PNPLA7: variants seen among roughly 807,000 people sequenced by gnomAD.
The protein encoded by PNPLA7 is patatin like domain 7, lysophospholipase.
Under a neutral mutation model 161.7 loss-of-function variants are expected in PNPLA7, and 153 were observed. The ratio of observed to expected loss-of-function variants is 0.95; its 90% CI spans 0.83 to 1.08. The LOEUF (loss-of-function observed/expected upper bound fraction) is 1.08. PNPLA7 is among the 50% of genes least tolerant of loss of function. The probability of loss-of-function intolerance (pLI) is 0.00; values close to 1 mark genes in which losing one functional copy is unlikely to be tolerated. For missense variants in PNPLA7, 1,739 were observed against 1,856.6 expected (o/e 0.94, Z 1.16); for synonymous variants, 809 against 782.1 (o/e 1.03, Z -0.57).
At chr9:137,536,373 G>A (rs1835889640) in intron 8 of PNPLA7, among the ~76,000 whole-genome samples, 1 of 152,000 alleles carries the variant, frequency 6.6e-6, no homozygotes, top group African/African-American at 2.4e-5. Context: ...GATGGCGTCT[G>A]GACAGCAGGC....
At chr9:137,489,127 G>A (rs1832646452) in intron 20 of PNPLA7, among the ~76,000 whole-genome samples, 3 of 152,022 alleles carry the variant, frequency 2.0e-5, no homozygotes, top group African/African-American at 7.3e-5. Flanking sequence ...GAAAGCAGAG[G>A]AGGCCCCACC....
intron 9 of PNPLA7, among the ~76,000 whole-genome samples, chr9:137,522,383 G>A (rs1349610058): frequency 1.3e-5 from 2 of 150,000 alleles, no homozygotes; most frequent in Admixed American, 6.7e-5. Context: ...CAAGAGACGG[G>A]GTTTCACCGT....
chr9:137,541,202 G>A lies in PNPLA7; in HGVS notation c.667-480C>T, dbSNP rs894908087. 1.3e-5 allele frequency among the ~76,000 whole-genome samples: 2 copies of A among 152,110 alleles called. No homozygotes were observed. The highest frequency in any genetic ancestry group is 4.8e-5 in the African/African-American group (2 of 41,430). On this transcript the variant is annotated intron_variant, in intron 7 of 34. Coordinates refer to ENST00000406427, the MANE Select transcript of PNPLA7 (RefSeq NM_001098537.3). This position sits in a 1 kb window ranked among gnomAD's most constrained non-coding sequence, Gnocchi z 4.4. ...ATTCTTTATGAAGTTGCCCAAATCTGGCCCCAGTCCCCTCCATGAGCCCCT... is the reference window on the plus strand; with the variant it reads ...ATTCTTTATGAAGTTGCCCAAATCTAGCCCCAGTCCCCTCCATGAGCCCCT...
chr9:137,486,685 A>G lies in PNPLA7; in HGVS notation c.2198-1949T>C, dbSNP rs1052952732. Among the ~76,000 whole-genome samples, 8 of 151,902 alleles carry G rather than the reference A, an allele frequency of 5.3e-5. No individual in the cohort carries two copies. Among genetic ancestry groups the G allele is most frequent in the Non-Finnish European group, 7.4e-5 (5 of 67,962 alleles). On this transcript the variant is annotated intron_variant, in intron 20 of 34. Coordinates refer to ENST00000406427, the MANE Select transcript of PNPLA7 (RefSeq NM_001098537.3). The surrounding 1 kb of genome is among the most constrained non-coding windows in gnomAD (Gnocchi z 6.0). Reference sequence around the variant, plus strand: ...GCCCTCAGTCCAACTCAGCACCGGGAGCCCTGGGCCTCCACCGCCCAGCCT... The same window carrying G: ...GCCCTCAGTCCAACTCAGCACCGGGGGCCCTGGGCCTCCACCGCCCAGCCT...
At chr9:137,463,567 G>A (rs992993946) in intron 28 of PNPLA7, 36 bp from the exon 29 acceptor site, 1 of 1,488,270 alleles carries the variant, frequency 6.7e-7, no homozygotes. Context: ...GTTACCCGGA[G>A]GAGGCTCCTC....
At chr9:137,528,123 GTCTTC>G (rs1385094062) in intron 8 of PNPLA7, among the ~76,000 whole-genome samples, 2 of 152,290 alleles carry the variant, frequency 1.3e-5, no homozygotes, top group African/African-American at 2.4e-5. Flanking sequence ...TGTAGTTTGT[GTCTTC>G]TCTTCTTTTC....
At chr9:137,464,516 G>T in intron 26 of PNPLA7, 60 bp from the exon 27 acceptor site, 1 of 1,456,368 alleles carries the variant, frequency 6.9e-7, no homozygotes, top group Non-Finnish European at 9.6e-7. Context: ...TGCCACAGCA[G>T]ACACGTGGCG....
chr9:137,544,445 G>A lies in PNPLA7; in HGVS notation c.274-630C>T, dbSNP rs572310536. 1.2e-3 allele frequency among the ~76,000 whole-genome samples: 179 copies of A among 152,228 alleles called. 1 individual carries two copies. Among genetic ancestry groups the A allele is most frequent in the African/African-American group, 4.0e-3 (167 of 41,540 alleles). ...TCTGTGGGGCCACTGGATGATGGCC[G>A]ACACTCAACAGACCGCCTCCACTCT... On this transcript the variant is annotated intron_variant, in intron 4 of 34. Transcript: ENST00000406427.
In PNPLA7 at chr9:137,539,524, C is replaced by A. The variant is rs534653181; in HGVS notation, c.747+1118G>T. Among the ~76,000 whole-genome samples the A allele has an allele frequency of 3.8e-4, 58 of 152,076 alleles. No homozygotes were observed. The South Asian group carries it at 0.011, about 30-fold the overall frequency. On this transcript the variant is annotated intron_variant, in intron 8 of 34. Transcript: ENST00000406427. ...TCATCTCTATCTCTACAAAAAAATA[C>A]AAAATTAGCCAGGTATGGTGGTGCA... is the stretch of plus-strand genomic sequence containing the variant.
In PNPLA7 at chr9:137,499,455, C is replaced by T. The variant is rs954514272; in HGVS notation, c.1758-1210G>A. Among the ~76,000 whole-genome samples, 2 of 152,234 alleles carry T rather than the reference C, an allele frequency of 1.3e-5. No individual in the cohort carries two copies. Among genetic ancestry groups the T allele is most frequent in the African/African-American group, 2.4e-5 (1 of 41,456 alleles). ...CCTGTCCCTGCTCTTCGCCATCCGT[C>T]CTGATCTCCCTGGCACTGATGTGGA... On this transcript the variant is annotated intron_variant, in intron 16 of 34. Coordinates refer to ENST00000406427, the MANE Select transcript of PNPLA7 (RefSeq NM_001098537.3). This position sits in a 1 kb window ranked among gnomAD's most constrained non-coding sequence, Gnocchi z 5.5.
At chr9:137,530,536 G>A (rs1047170024) in intron 8 of PNPLA7, among the ~76,000 whole-genome samples, 3 of 152,220 alleles carry the variant, frequency 2.0e-5, no homozygotes, top group Non-Finnish European at 2.9e-5. Flanking sequence ...CAGAACCCTC[G>A]TGGGTGGCGG....
At position 137,500,582 on chromosome 9, in the gene PNPLA7, G is replaced by A; in HGVS notation, c.1757+109C>T. 1 of 1,042,440 alleles carries A rather than the reference G, an allele frequency of 9.6e-7. No individual in the cohort carries two copies. The highest frequency in any genetic ancestry group is 1.4e-6 in the Non-Finnish European group (1 of 715,516). 64.6% of individuals were successfully genotyped at this position (1,042,440 alleles called of 1,614,324 possible). A position where few individuals can be genotyped will look rare whatever the true frequency, so the allele number is the denominator to read the frequency against. ...GCCGGGGACAAAGAGGGGAGCCCGAGAAGCAGGGAAGAGGGTGAGAGCACC... is the reference window on the plus strand; with the variant it reads ...GCCGGGGACAAAGAGGGGAGCCCGAAAAGCAGGGAAGAGGGTGAGAGCACC... On this transcript the variant is annotated intron_variant, in intron 16 of 34. Transcript: ENST00000406427. This position sits in a 1 kb window ranked among gnomAD's most constrained non-coding sequence, Gnocchi z 5.5.
chr9:137,521,172 T>G (rs1392459876), intron 10 of PNPLA7, among the ~76,000 whole-genome samples: 1 of 152,134 alleles, frequency 6.6e-6, no homozygotes, highest in Non-Finnish European at 1.5e-5. Flanking sequence ...GACAGGGCTG[T>G]CAGCTCAGTG....
At chr9:137,498,418 G>A (rs1271725815) in intron 16 of PNPLA7, among the ~76,000 whole-genome samples, 173 bp from the exon 17 acceptor site, 1 of 152,258 alleles carries the variant, frequency 6.6e-6, no homozygotes, top group East Asian at 1.9e-4. Context: ...CTGCCCCACG[G>A]CACAGCACTG....
chr9:137,506,715 C>G (rs1463532388), intron 12 of PNPLA7, among the ~76,000 whole-genome samples: 1 of 152,220 alleles, frequency 6.6e-6, no homozygotes, highest in Non-Finnish European at 1.5e-5. Context: ...CACCCTTTTA[C>G]AGCCTGCCCT....
intron 12 of PNPLA7, among the ~76,000 whole-genome samples, chr9:137,512,316 A>G (rs1393911918): frequency 2.6e-5 from 4 of 152,262 alleles, no homozygotes; most frequent in South Asian, 2.1e-4. Flanking sequence ...GCTTCTCCAC[A>G]TGACGGCATG....
chr9:137,463,214 C>T, intron 29 of PNPLA7: 1 of 602,088 alleles, frequency 1.7e-6, no homozygotes. Flanking sequence ...GCACATGCTG[C>T]CGGTGCCTGC....
In PNPLA7 at chr9:137,543,368, C is replaced by T; in HGVS notation, c.506+64G>A. Reference sequence around the variant, plus strand: ...ACAAGACGGCCAAGCTGGAGCCAGGCCCCAGCGAGAAGCCCGGGGCTATGG... The same window carrying T: ...ACAAGACGGCCAAGCTGGAGCCAGGTCCCAGCGAGAAGCCCGGGGCTATGG... On this transcript the variant is annotated intron_variant, in intron 6 of 34. Coordinates refer to ENST00000406427, the MANE Select transcript of PNPLA7 (RefSeq NM_001098537.3). The surrounding 1 kb of genome is among the most constrained non-coding windows in gnomAD (Gnocchi z 6.9). 1 of 1,603,198 alleles carries T rather than the reference C, an allele frequency of 6.2e-7. No individual in the cohort carries two copies. Among genetic ancestry groups the T allele is most frequent in the South Asian group, 1.1e-5 (1 of 90,300 alleles).
intron 15 of PNPLA7, 34 bp downstream of exon 15, chr9:137,501,616 T>C (rs1291692648): frequency 6.3e-7 from 1 of 1,590,528 alleles, no homozygotes; most frequent in Non-Finnish European, 8.6e-7. Flanking sequence ...TGGCATTGGG[T>C]GGTCCCAGTG....
Sources: gnomAD v4.1 joint callset for allele counts (sites outside exome capture counted in the v4.1 genomes callset) on GRCh38, gnomAD v4.1.1 for gene constraint, Gnocchi (gnomAD v3.1) non-coding constraint, MANE v1.5 for transcripts, NCBI Gene and HGNC (gene_info 2026-07-23, HGNC 2026-07-21) for gene names.